Variants in RNF216 observed in about 807,000 individuals in gnomAD.
The protein encoded by RNF216 is ring finger protein 216.
In RNF216, 72 loss-of-function variants were observed where a neutral mutation model predicts 110.8. The observed-to-expected ratio is 0.65, with a 90% CI of 0.54 to 0.79. The LOEUF is 0.79. Ranked by LOEUF, RNF216 falls within the 30% of genes least tolerant of loss-of-function variation. The pLI, the probability that RNF216 is intolerant of heterozygous loss-of-function variation, is 0.00. For synonymous variants in RNF216, 495 were observed against 407.5 expected, an observed-to-expected ratio of 1.21 and a Z score of -2.59; for missense variants, 1,342 against 1,141.2, an observed-to-expected ratio of 1.18 and a Z score of -2.54.
intron 2 of RNF216, among the ~76,000 whole-genome samples, chr7:5,754,119 GGTGTGTGTGTGT>G (rs10543449): frequency 3.3e-3 from 464 of 142,092 alleles, no homozygotes; most frequent in Middle Eastern, 0.01. Context: ...TCTTTTGTGT[GGTGTGTGTGTGT>G]GTGTGTGTGT....
Position 5,752,963 on chromosome 7 carries a change from T to C in RNF216, c.84A>G (p.Arg28=), listed in dbSNP as rs928379116. 33 of 1,611,118 alleles carry C rather than the reference T, an allele frequency of 2.0e-5. No homozygotes were observed. The highest frequency in any genetic ancestry group is 2.8e-5 in the Non-Finnish European group (33 of 1,178,842). ...CHRGQEWINL[R]DGPITISDSS... Reference sequence around the variant, plus strand: ...AGTCAGATATGGTGATGGGCCCATCTCGGAGATTGATCCACTCTACAGGAA... The same window carrying C: ...AGTCAGATATGGTGATGGGCCCATCCCGGAGATTGATCCACTCTACAGGAA... The change falls in exon 3 of 17, where the codon CGA becomes CGG. Residue 28 remains arginine (R), a synonymous_variant. Coordinates refer to ENST00000389902, the MANE Select transcript of RNF216 (RefSeq NM_207111.4).
intron 15 of RNF216, among the ~76,000 whole-genome samples, chr7:5,631,088 T>A (rs887297189): frequency 6.6e-6 from 1 of 152,096 alleles, no homozygotes; most frequent in Non-Finnish European, 1.5e-5. Context: ...AGAGCAGAAT[T>A]CTGAAACCTC....
chr7:5,672,297 A>G (rs1789969157), intron 13 of RNF216, among the ~76,000 whole-genome samples: 1 of 152,242 alleles, frequency 6.6e-6, no homozygotes. Context: ...ATACATGTTT[A>G]CTTTGGGGGA....
intron 12 of RNF216, 151 bp downstream of exon 12, chr7:5,712,564 A>C: frequency 1.3e-6 from 1 of 742,294 alleles, no homozygotes; most frequent in East Asian, 2.9e-5. Flanking sequence ...ATAAAAATAA[A>C]TAAGTAAAAT....
chr7:5,775,185 C>T (rs1796707733), intron 1 of RNF216: 1 of 152,098 alleles, frequency 6.6e-6, no homozygotes, highest in Non-Finnish European at 1.5e-5. Flanking sequence ...ATGGCCTAGG[C>T]AACAACAATT....
At chr7:5,670,311 T>A (rs569140270) in intron 13 of RNF216, among the ~76,000 whole-genome samples, 2 of 152,230 alleles carry the variant, frequency 1.3e-5, no homozygotes, top group Admixed American at 1.3e-4. Context: ...TCCCCTGAGA[T>A]GACACATGCC....
At chr7:5,753,771 T>A (rs968632564) in intron 2 of RNF216, among the ~76,000 whole-genome samples, 1 of 151,742 alleles carries the variant, frequency 6.6e-6, no homozygotes, top group Non-Finnish European at 1.5e-5. Context: ...CCGAGGTGGG[T>A]GGATCATGAG....
intron 13 of RNF216, among the ~76,000 whole-genome samples, chr7:5,673,712 C>CA (rs992110984): frequency 9.9e-5 from 15 of 152,080 alleles, no homozygotes; most frequent in Non-Finnish European, 1.8e-4. Context: ...CTTGTCTCTA[C>CA]AAAAAAATTA....
At chr7:5,675,553 G>A (rs958506979) in intron 13 of RNF216, among the ~76,000 whole-genome samples, 1 of 152,088 alleles carries the variant, frequency 6.6e-6, no homozygotes, top group Non-Finnish European at 1.5e-5. Context: ...GAGGCAGGGG[G>A]ATTGCTTGAG....
intron 15 of RNF216, among the ~76,000 whole-genome samples, chr7:5,636,252 C>G (rs1004279053): frequency 3.3e-5 from 5 of 152,204 alleles, no homozygotes; most frequent in African/African-American, 1.2e-4. Flanking sequence ...CACTCTGCTC[C>G]CTAATCCAGA....
At chr7:5,647,315 A>G (rs1007563197) in intron 14 of RNF216, among the ~76,000 whole-genome samples, 101 of 127,908 alleles carry the variant, frequency 7.9e-4, no homozygotes, top group Admixed American at 1.3e-3. Flanking sequence ...TGAAACCTTC[A>G]TTTTCTTTCT....
chr7:5,766,056 G>A (rs1371965116), intron 1 of RNF216, among the ~76,000 whole-genome samples: 4 of 151,972 alleles, frequency 2.6e-5, no homozygotes, highest in Non-Finnish European at 2.9e-5. Context: ...GACCAAGGTG[G>A]GAGAATCACT....
At chr7:5,670,856 G>A (rs533669856) in intron 13 of RNF216, among the ~76,000 whole-genome samples, 15 of 152,290 alleles carry the variant, frequency 9.8e-5, no homozygotes, top group Admixed American at 3.9e-4. Context: ...TAAGGAGGCC[G>A]TCTGTAGCCT....
Position 5,712,833 on chromosome 7 carries a change from T to C in RNF216, c.1864A>G (p.Thr622Ala), listed in dbSNP as rs147757575. 8 of 1,613,820 alleles carry C rather than the reference T, an allele frequency of 5.0e-6. No homozygotes were observed. Among genetic ancestry groups the C allele is most frequent in the Non-Finnish European group, 5.9e-6 (7 of 1,179,910 alleles). Residue 622 changes from threonine (T) to alanine (A), a missense_variant, in exon 12 of 17, where the codon ACG (threonine) becomes GCG (alanine). By Grantham distance (58) the Thr-to-Ala change is moderately conservative. Coordinates refer to ENST00000389902, the MANE Select transcript of RNF216 (RefSeq NM_207111.4). ...AGCTCACTGGTTGGGAACGAACACGTGCAGCTGCCTTCCATGCAGCTGAGC... is the reference window on the plus strand; with the variant it reads ...AGCTCACTGGTTGGGAACGAACACGCGCAGCTGCCTTCCATGCAGCTGAGC... ...LELSCMEGSC[T>A]CSFPTSELEK...
At position 5,752,949 on chromosome 7, in the gene RNF216, G is replaced by T; in HGVS notation, c.98C>A (p.Thr33Asn). The change falls in exon 3 of 17, where the codon ACC becomes AAC. Residue 33 changes from threonine to asparagine, a missense_variant. Thr to Asn is a moderately conservative substitution (Grantham distance 65). Transcript: ENST00000389902. ...EWINLRDGPI[T>N]ISDSSDEERI... ...TTCCTCATCTGAGGAGTCAGATATG[G>T]TGATGGGCCCATCTCGGAGATTGAT... The T allele has an allele frequency of 6.2e-7, 1 of 1,611,578 alleles. No individual in the cohort carries two copies. The highest frequency in any genetic ancestry group is 8.5e-7 in the Non-Finnish European group (1 of 1,178,962).
At chr7:5,714,839 G>A (rs1265339365) in intron 11 of RNF216, among the ~76,000 whole-genome samples, 1 of 152,172 alleles carries the variant, frequency 6.6e-6, no homozygotes, top group Non-Finnish European at 1.5e-5. Context: ...GCGGCTAGGC[G>A]TGGGAGTGTG....
chr7:5,713,621 A>T (rs1222484966), intron 11 of RNF216, among the ~76,000 whole-genome samples: 1 of 152,238 alleles, frequency 6.6e-6, no homozygotes, highest in Non-Finnish European at 1.5e-5. Flanking sequence ...ACCTAGAGTC[A>T]AACTCACTGG....
intron 14 of RNF216, among the ~76,000 whole-genome samples, chr7:5,647,211 C>T (rs915246527): frequency 7.3e-5 from 11 of 151,644 alleles, no homozygotes; most frequent in Admixed American, 2.6e-4. Flanking sequence ...ATTCCCTACA[C>T]TGTCATGTTT....
intron 13 of RNF216, among the ~76,000 whole-genome samples, chr7:5,672,775 G>C (rs852411): frequency 0.11 from 16,197 of 152,070 alleles, 1,654 homozygotes; most frequent in African/African-American, 0.27. Flanking sequence ...GGTAGAGGAT[G>C]GATATGAGGG....
Sources: allele counts gnomAD v4.1 joint callset (sites outside exome capture counted in the v4.1 genomes callset), GRCh38; gene constraint gnomAD v4.1.1; transcripts MANE v1.5; gene names NCBI Gene and HGNC (gene_info 2026-07-23, HGNC 2026-07-21).